Variants in C14orf39 observed in about 807,000 individuals in gnomAD.
C14orf39 encodes the protein chromosome 14 open reading frame 39.
C14orf39 carries 66 observed loss-of-function variants against 85.6 expected under a neutral mutation model. The observed-to-expected ratio is 0.77, with a 90% CI of 0.63 to 0.95. The LOEUF is 0.95. Ranked by LOEUF, C14orf39 falls within the 40% of genes least tolerant of loss-of-function variation. C14orf39 has a pLI of 0.00. For synonymous variants in C14orf39, 242 were observed against 214.0 expected (o/e 1.13, Z -1.14); for missense variants, 735 against 663.9 (o/e 1.11, Z -1.18).
At chr14:60,458,041 A>G (rs1891357076) in intron 14 of C14orf39, among the ~76,000 whole-genome samples, 1 of 152,006 alleles carries the variant, frequency 6.6e-6, no homozygotes, top group Non-Finnish European at 1.5e-5. Flanking sequence ...GTGATAATTT[A>G]ACACATTCAT....
At chr14:60,505,040 C>T (rs1260693645) in intron 1 of C14orf39, among the ~76,000 whole-genome samples, 1 of 152,176 alleles carries the variant, frequency 6.6e-6, no homozygotes, top group Non-Finnish European at 1.5e-5. Flanking sequence ...AGAATAATAA[C>T]AAAATATACT....
At chr14:60,469,394 T>A (rs555311578) in intron 8 of C14orf39, 139 bp downstream of exon 8, 1 of 262,874 alleles carries the variant, frequency 3.8e-6, no homozygotes, top group South Asian at 1.7e-4. Context: ...ACCTTTTGGC[T>A]CCAAAGGTAA....
chr14:60,441,501 A>G (rs1021449816), intron 17 of C14orf39, among the ~76,000 whole-genome samples: 4 of 152,218 alleles, frequency 2.6e-5, no homozygotes, highest in Non-Finnish European at 4.4e-5. Flanking sequence ...ATTCAAGCCC[A>G]TAACAACTGT....
chr14:60,451,618 A>C (rs1891039191), intron 16 of C14orf39, among the ~76,000 whole-genome samples: 1 of 147,890 alleles, frequency 6.8e-6, no homozygotes, highest in African/African-American at 2.5e-5. Context: ...GTTCTCACTC[A>C]TAGGTGGGAA....
intron 4 of C14orf39, among the ~76,000 whole-genome samples, chr14:60,482,965 C>T (rs1453667860): frequency 6.7e-6 from 1 of 149,474 alleles, no homozygotes; most frequent in Non-Finnish European, 1.5e-5. Flanking sequence ...TGAGTCATTA[C>T]CTATGCAGAG....
rs756003602 is a variant in C14orf39 at position 60,491,598 on chromosome 14, C to T, written c.-8-6512G>A. On this transcript the variant is annotated intron_variant, in intron 2 of 5. Transcript: ENST00000556799. The surrounding 1 kb of genome is among the most constrained non-coding windows in gnomAD (Gnocchi z 4.5). ...AACCTTCCTCTCCTATCATCCCCCA[C>T]ATCAAATCCATCATAAATCCTACCA... Among the ~76,000 whole-genome samples the T allele has an allele frequency of 4.6e-5, 7 of 152,192 alleles. No homozygotes were observed. The highest frequency in any genetic ancestry group is 7.3e-5 in the Non-Finnish European group (5 of 68,038).
chr14:60,475,715 A>G (rs1208754477), intron 5 of C14orf39, among the ~76,000 whole-genome samples: 1 of 152,168 alleles, frequency 6.6e-6, no homozygotes, highest in Non-Finnish European at 1.5e-5. Flanking sequence ...TCCTTTACCA[A>G]AAAAGCTTGC....
chr14:60,454,941 AATT>A, intron 16 of C14orf39, 57 bp downstream of exon 16: 1 of 1,336,330 alleles, frequency 7.5e-7, no homozygotes, highest in Non-Finnish European at 1.0e-6. Flanking sequence ...AAAGAACTAA[AATT>A]ACTCAAAGTT....
chr14:60,482,901 T>TGTGTGTGTGC (rs1363044687), intron 4 of C14orf39, among the ~76,000 whole-genome samples: 1 of 150,946 alleles, frequency 6.6e-6, no homozygotes, highest in Non-Finnish European at 1.5e-5. Flanking sequence ...TGTGTGTGTG[T>TGTGTGTGTGC]GTGTGTGTGG....
At chr14:60,507,767 A>G (rs547676103) in intron 1 of C14orf39, among the ~76,000 whole-genome samples, 6 of 152,176 alleles carry the variant, frequency 3.9e-5, no homozygotes, top group Non-Finnish European at 8.8e-5. Context: ...ACTTGATACT[A>G]AAGAAAAGAC....
chr14:60,461,328 A>C, intron 13 of C14orf39, 26 bp downstream of exon 13: 1 of 1,594,694 alleles, frequency 6.3e-7, no homozygotes, highest in East Asian at 2.2e-5. Context: ...CCGACTTCTT[A>C]GAAGAAAAAT....
intron 11 of C14orf39, among the ~76,000 whole-genome samples, chr14:60,465,614 C>T (rs1022099736): frequency 6.6e-6 from 1 of 152,058 alleles, no homozygotes; most frequent in Admixed American, 6.6e-5. Flanking sequence ...ACGGTATTCT[C>T]CTATGCATGT....
chr14:60,443,993 T>C (rs1890645790), intron 16 of C14orf39, among the ~76,000 whole-genome samples: 1 of 152,012 alleles, frequency 6.6e-6, no homozygotes, highest in Non-Finnish European at 1.5e-5. Flanking sequence ...CAGAAAGGAA[T>C]AGCATCAACA....
rs1451244793 is a variant in C14orf39, at chr14:60,491,749, C to G, written c.-8-6663G>C. On this transcript the variant is annotated intron_variant, in intron 2 of 5. Coordinates refer to the C14orf39 transcript ENST00000556799. This position sits in a 1 kb window ranked among gnomAD's most constrained non-coding sequence, Gnocchi z 4.5. ...GTTTTGCCACATATCTACTCTAGCC[C>G]TCTTGCCCATTCTCTCTCCATCCTG... 6.6e-6 allele frequency among the ~76,000 whole-genome samples: 1 copy of G among 152,148 alleles called. No individual in the cohort carries two copies. Among genetic ancestry groups the G allele is most frequent in the Non-Finnish European group, 1.5e-5 (1 of 68,026 alleles).
chr14:60,458,864 G>A (rs534414794), intron 13 of C14orf39, 125 bp from the exon 14 acceptor site: 6 of 644,110 alleles, frequency 9.3e-6, no homozygotes, highest in South Asian at 6.3e-5. Context: ...AACTTCATAT[G>A]GTTCAACATA....
chr14:60,437,217 G>A (rs1463649930), intron 17 of C14orf39, among the ~76,000 whole-genome samples, 170 bp from the exon 18 acceptor site: 1 of 151,872 alleles, frequency 6.6e-6, no homozygotes, highest in African/African-American at 2.4e-5. Context: ...ATTGTCCTTG[G>A]TACTATGAAG....
intron 1 of C14orf39, among the ~76,000 whole-genome samples, chr14:60,510,245 G>A (rs1395234789): frequency 2.0e-5 from 3 of 152,134 alleles, no homozygotes; most frequent in African/African-American, 7.2e-5. Context: ...GAGGGGAAGA[G>A]AAATAAAAAA....
At position 60,471,553 on chromosome 14, in the gene C14orf39, T is replaced by G. The variant is rs753386259; in HGVS notation, c.510A>C (p.Arg170=). 1.3e-6 allele frequency: 2 copies of G among 1,591,014 alleles called. No homozygotes were observed. Among genetic ancestry groups the G allele is most frequent in the South Asian group, 2.3e-5 (2 of 86,550 alleles). Residue 170 remains arginine (R), a splice_region_variant and synonymous_variant, in exon 6 of 18, where the codon CGA becomes CGC. Coordinates refer to ENST00000321731, the MANE Select transcript of C14orf39 (RefSeq NM_174978.3). ...ACAATATAACAAAAATATTAATACC[T>G]CGAAATTTCATAAAAATTGTTTCAT... ...KMNETIFMKF[R]VPAPFPSLTK... is the part of the protein sequence containing the mutation.
At chr14:60,509,897 C>A in intron 1 of C14orf39, 2 of 1,612,834 alleles carry the variant, frequency 1.2e-6, no homozygotes, top group Non-Finnish European at 1.7e-6. Flanking sequence ...GGCAACCGGA[C>A]TGACCCCTAC....
Sources: allele counts gnomAD v4.1 joint callset (sites outside exome capture counted in the v4.1 genomes callset), GRCh38; gene constraint gnomAD v4.1.1; non-coding constraint Gnocchi (gnomAD v3.1); transcripts MANE v1.5; gene names NCBI Gene and HGNC (gene_info 2026-07-23, HGNC 2026-07-21).